The following ANKS1B variants were observed in gnomAD, a reference collection of about 807,000 sequenced individuals.
The protein encoded by ANKS1B is ankyrin repeat and sterile alpha motif domain containing 1B, also known as ankyrin repeat and sterile alpha motif domain-containing protein 1B.
A neutral mutation model predicts 148.3 loss-of-function variants in ANKS1B; 36 were observed. The ratio of observed to expected loss-of-function variants is 0.24; its 90% CI spans 0.19 to 0.32. The LOEUF (loss-of-function observed/expected upper bound fraction) is 0.32. Among genes scored for constraint, ANKS1B ranks in the 10% least tolerant of loss-of-function variants. The probability of loss-of-function intolerance (pLI) is 1.00; values close to 1 mark genes in which losing one functional copy is unlikely to be tolerated. For missense variants in ANKS1B, 1,157 were observed against 1,542.6 expected (o/e 0.75, Z 4.19); for synonymous variants, 542 against 560.8 (o/e 0.97, Z 0.47).
chr12:98,915,879 G>A (rs567080025), intron 17 of ANKS1B, among the ~76,000 whole-genome samples: 5 of 152,188 alleles, frequency 3.3e-5, no homozygotes, highest in Middle Eastern at 3.4e-3. Context: ...CTTTCCTGCC[G>A]CCCCATCTAG....
intron 16 of ANKS1B, among the ~76,000 whole-genome samples, chr12:99,054,248 G>A (rs182153539): frequency 8.6e-4 from 131 of 152,270 alleles, no homozygotes; most frequent in African/African-American, 3.0e-3. Flanking sequence ...TAAAATTCAC[G>A]ATGGAAACAG....
At chr12:98,888,077 TG>T (rs1396616047) in intron 17 of ANKS1B, among the ~76,000 whole-genome samples, 1 of 152,244 alleles carries the variant, frequency 6.6e-6, no homozygotes, top group African/African-American at 2.4e-5. Context: ...TTCTGGGCAG[TG>T]GTATTTGGGG....
At chr12:99,382,975 C>T (rs1555409856) in intron 12 of ANKS1B, among the ~76,000 whole-genome samples, 1 of 152,116 alleles carries the variant, frequency 6.6e-6, no homozygotes, top group Non-Finnish European at 1.5e-5. Context: ...ACCCACTTCC[C>T]TTCTAGCTTT....
intron 9 of ANKS1B, among the ~76,000 whole-genome samples, chr12:99,587,287 T>C (rs983488509): frequency 1.3e-5 from 2 of 152,198 alleles, no homozygotes; most frequent in African/African-American, 2.4e-5. Context: ...TCACAGGTCC[T>C]AACATTGAAA....
intron 10 of ANKS1B, among the ~76,000 whole-genome samples, chr12:99,480,995 A>ATT (rs34470603): frequency 7.5e-5 from 11 of 147,294 alleles, no homozygotes; most frequent in South Asian, 6.4e-4. Flanking sequence ...ATTTTCACTG[A>ATT]TTTTTTTTTT....
At chr12:99,463,336 C>T (rs994262692) in intron 10 of ANKS1B, among the ~76,000 whole-genome samples, 13 of 152,202 alleles carry the variant, frequency 8.5e-5, no homozygotes, top group East Asian at 3.9e-4. Context: ...GGAACAGATC[C>T]GGTCTACAGC....
In ANKS1B at chr12:99,311,675, G is replaced by C. The variant is rs1602702799; in HGVS notation, c.1757-64811C>G. The stretch of plus-strand genomic sequence containing the variant: ...AATCTACATTTTAAAGAAGTGCCAG[G>C]CATTTTTGAAGTCAAAAATGTTCAG... On this transcript the variant is annotated intron_variant, in intron 12 of 26. Transcript: ENST00000683438. Among the ~76,000 whole-genome samples, 4 of 152,084 alleles carry C rather than the reference G, an allele frequency of 2.6e-5. No homozygotes were observed. The East Asian group carries it at 7.7e-4, about 29-fold the overall frequency.
chr12:99,467,808 G>T (rs1405328599), intron 10 of ANKS1B, among the ~76,000 whole-genome samples: 1 of 152,144 alleles, frequency 6.6e-6, no homozygotes, highest in Non-Finnish European at 1.5e-5. Context: ...AGAAATGGAA[G>T]AACATTCCAT....
chr12:99,262,606 TTTTTC>T (rs1398610167), intron 12 of ANKS1B, among the ~76,000 whole-genome samples: 1 of 152,018 alleles, frequency 6.6e-6, no homozygotes, highest in Non-Finnish European at 1.5e-5. Flanking sequence ...ATTTTTATAT[TTTTTC>T]TTTTGTTTTT....
chr12:99,228,605 T>C (rs1382304576), intron 14 of ANKS1B, among the ~76,000 whole-genome samples: 1 of 152,014 alleles, frequency 6.6e-6, no homozygotes, highest in African/African-American at 2.4e-5. Context: ...TGCAAAACTT[T>C]TATCCATAAA....
chr12:99,764,595 G>C (rs571545542), intron 8 of ANKS1B, among the ~76,000 whole-genome samples: 75 of 152,162 alleles, frequency 4.9e-4, no homozygotes, highest in African/African-American at 1.7e-3. Context: ...GCTAGTTTTT[G>C]TATTTTTAGT....
chr12:99,198,068 A>G (rs933683753), intron 14 of ANKS1B, among the ~76,000 whole-genome samples: 4 of 152,034 alleles, frequency 2.6e-5, no homozygotes, highest in African/African-American at 9.7e-5. Context: ...TTCAAACTAT[A>G]ACTCAGGTTT....
intron 17 of ANKS1B, among the ~76,000 whole-genome samples, chr12:98,903,604 A>G (rs1047636363): frequency 6.6e-6 from 1 of 152,226 alleles, no homozygotes; most frequent in African/African-American, 2.4e-5. Context: ...GAGTCCAGTG[A>G]TAGTTTTTGA....
chr12:99,257,192 C>T (rs181851374), intron 12 of ANKS1B, among the ~76,000 whole-genome samples: 200 of 151,904 alleles, frequency 1.3e-3, no homozygotes, highest in African/African-American at 4.6e-3. Flanking sequence ...TGCAGTGAGC[C>T]GAGATGGTGC....
chr12:99,125,724 C>T (rs1331434148), intron 15 of ANKS1B, among the ~76,000 whole-genome samples: 1 of 152,068 alleles, frequency 6.6e-6, no homozygotes, highest in African/African-American at 2.4e-5. Flanking sequence ...CCTAGGTTTC[C>T]CATATTTAGT....
At chr12:99,630,862 C>T (rs1598432550) in intron 9 of ANKS1B, among the ~76,000 whole-genome samples, 1 of 152,126 alleles carries the variant, frequency 6.6e-6, no homozygotes, top group African/African-American at 2.4e-5. Flanking sequence ...GTCTCTCCAC[C>T]CAAATCTCAT....
intron 17 of ANKS1B, among the ~76,000 whole-genome samples, chr12:98,878,154 T>C (rs1367410360): frequency 2.7e-5 from 3 of 111,020 alleles, no homozygotes; most frequent in Non-Finnish European, 4.2e-5. Flanking sequence ...TCTCTACATT[T>C]TCTAATTTTT....
chr12:99,054,274 C>T (rs2099968120), intron 16 of ANKS1B, among the ~76,000 whole-genome samples: 2 of 152,152 alleles, frequency 1.3e-5, no homozygotes. Context: ...CTGGGCAAAA[C>T]ACAACATAGA....
intron 17 of ANKS1B, among the ~76,000 whole-genome samples, chr12:98,899,604 G>C (rs56722173): frequency 0.025 from 3,785 of 152,264 alleles, 97 homozygotes; most frequent in African/African-American, 0.067. Context: ...TCATCCACAA[G>C]AGTTTTCACC....
Sources: allele counts gnomAD v4.1 joint callset (sites outside exome capture counted in the v4.1 genomes callset), GRCh38; gene constraint gnomAD v4.1.1; transcripts MANE v1.5; gene names NCBI Gene and HGNC (gene_info 2026-07-23, HGNC 2026-07-21).